RNF141: variants seen among roughly 807,000 people sequenced by gnomAD.
RNF141 encodes C3HC4-like zinc finger protein.
Under a neutral mutation model 27.4 loss-of-function variants are expected in RNF141, and 18 were observed. The ratio of observed to expected loss-of-function variants is 0.66; its 90% CI spans 0.45 to 0.97. The LOEUF (loss-of-function observed/expected upper bound fraction) is 0.97, where lower values mean the gene tolerates loss of function less well. RNF141 is among the 50% of genes least tolerant of loss of function. The pLI, the probability that RNF141 is intolerant of heterozygous loss-of-function variation, is 0.00. For synonymous variants in RNF141, 97 were observed against 96.6 expected (o/e 1.00, Z -0.02); for missense variants, 230 against 279.4 (o/e 0.82, Z 1.26).
chr11:10,526,316 G>T (rs1164656016), intron 3 of RNF141, among the ~76,000 whole-genome samples: 1 of 152,110 alleles, frequency 6.6e-6, no homozygotes, highest in African/African-American at 2.4e-5. Context: ...ATAAAATTGT[G>T]ACTTTAGGTT....
rs570174694 is a variant in RNF141 at position 10,537,264 on chromosome 11, C to G, written c.-47-3059G>C. Among the ~76,000 whole-genome samples, 13 of 152,252 alleles carry G rather than the reference C, an allele frequency of 8.5e-5. No individual in the cohort carries two copies. In the South Asian group the frequency reaches 1.5e-3, roughly 17 times the overall value. ...TTAGAAGTACATCTAATAAGTGTTA[C>G]AGGGATTTTTACCTGGGTGGGAAGT... On this transcript the variant is annotated intron_variant, in intron 1 of 5. Coordinates refer to ENST00000265981, the MANE Select transcript of RNF141 (RefSeq NM_016422.4).
intron 2 of RNF141, 44 bp from the exon 3 acceptor site, chr11:10,530,795 A>G (rs1348940350): frequency 8.5e-7 from 1 of 1,181,630 alleles, no homozygotes; most frequent in South Asian, 1.5e-5. Context: ...AAAATCATAT[A>G]TTAATAAAAT....
At chr11:10,525,090 A>AG (rs80348845) in intron 4 of RNF141, 102 bp downstream of exon 4, 24,861 of 896,994 alleles carry the variant, frequency 0.028, 503 homozygotes, top group Admixed American at 0.031. Context: ...AGAAAAAAAA[A>AG]AGATTTAAGA....
Position 10,519,273 on chromosome 11 carries a change from A to T in RNF141, c.435-132T>A, listed in dbSNP as rs868411323. ...AAGCACAATATGACTCATGTGCAAAATCAGACTAAAATTAATATTATCTTT... is the reference window on the plus strand; with the variant it reads ...AAGCACAATATGACTCATGTGCAAATTCAGACTAAAATTAATATTATCTTT... On this transcript the variant is annotated intron_variant, in intron 4 of 5. Coordinates refer to ENST00000265981, the MANE Select transcript of RNF141 (RefSeq NM_016422.4). The T allele has an allele frequency of 1.4e-5, 8 of 561,548 alleles. No homozygotes were observed. In the South Asian group the frequency reaches 2.2e-4, roughly 15 times the overall value. 34.8% of individuals were successfully genotyped at this position (561,548 alleles called of 1,614,324 possible).
chr11:10,524,126 A>G (rs114559264), intron 4 of RNF141, among the ~76,000 whole-genome samples: 1,556 of 152,316 alleles, frequency 0.01, 27 homozygotes, highest in African/African-American at 0.036. Context: ...AAAAAAAAGA[A>G]ACCACTGGCC....
At chr11:10,540,744 C>T (rs1176697496) in intron 1 of RNF141, 2 of 152,292 alleles carry the variant, frequency 1.3e-5, no homozygotes, top group African/African-American at 2.4e-5. Flanking sequence ...AGCCCCTCCT[C>T]AAGCGCACCT....
rs551769264 is a variant in RNF141, at chr11:10,513,585, T to C, written c.*1331A>G. Reference sequence around the variant, plus strand: ...AGAATATTTTAATGGAAAGAGTATTTCAATGGAAGTACAGTGAAACAGTAG... The same window carrying C: ...AGAATATTTTAATGGAAAGAGTATTCCAATGGAAGTACAGTGAAACAGTAG... On this transcript the variant is annotated 3_prime_UTR_variant, in exon 6 of 6. Transcript: ENST00000265981. The C allele has an allele frequency of 2.0e-5, 3 of 152,348 alleles. No individual in the cohort carries two copies. The highest frequency in any genetic ancestry group is 7.2e-5 in the African/African-American group (3 of 41,578). 9.4% of individuals were successfully genotyped at this position (152,348 alleles called of 1,614,324 possible). A position where few individuals can be genotyped will look rare whatever the true frequency, so the allele number is the denominator to read the frequency against.
intron 5 of RNF141, 152 bp downstream of exon 5, chr11:10,518,882 T>C (rs1332127971): frequency 2.0e-6 from 1 of 508,528 alleles, no homozygotes; most frequent in East Asian, 3.2e-5. Context: ...AAAATAGTTT[T>C]AACCAGTAGA....
At chr11:10,530,153 G>C (rs761846294) in intron 3 of RNF141, among the ~76,000 whole-genome samples, 2 of 152,148 alleles carry the variant, frequency 1.3e-5, no homozygotes, top group Non-Finnish European at 2.9e-5. Flanking sequence ...CTACTCAGTG[G>C]TGGTTGAGGC....
chr11:10,525,454 A>T (rs952479244), intron 3 of RNF141, 81 bp from the exon 4 acceptor site: 6 of 1,058,576 alleles, frequency 5.7e-6, no homozygotes, highest in African/African-American at 1.6e-5. Flanking sequence ...ACAAATATTT[A>T]GTCAAACATC....
At chr11:10,518,668 A>C (rs1849861547) in intron 5 of RNF141, 1 of 165,670 alleles carries the variant, frequency 6.0e-6, no homozygotes, top group Non-Finnish European at 1.3e-5. Flanking sequence ...GCTGATCTCT[A>C]AAGTTCCCTG....
Position 10,513,813 on chromosome 11 carries a change from A to AT in RNF141, c.*1102dup, listed in dbSNP as rs889071009. The AT allele has an allele frequency of 6.6e-6, 1 of 152,084 alleles. No homozygotes were observed. The highest frequency in any genetic ancestry group is 2.4e-5 in the African/African-American group (1 of 41,368). The allele number at this position is 152,084 out of a possible 1,614,324, so 9.4% of individuals were successfully genotyped here. On this transcript the variant is annotated 3_prime_UTR_variant, in exon 6 of 6. Coordinates refer to ENST00000265981, the MANE Select transcript of RNF141 (RefSeq NM_016422.4). ...TGCCTCAGCCTCCCGAGTAGCTGAG[A>AT]TTACAGGCACCTGCCACCATGCCCA...
rs1168828760 is a variant in RNF141, at chr11:10,513,076, C to A, written c.*1840G>T. Reference sequence around the variant, plus strand: ...AGAACACATAAACAAGAGTAAGAGACTTTCTCAAGGTCACACAACCACCAA... The same window carrying A: ...AGAACACATAAACAAGAGTAAGAGAATTTCTCAAGGTCACACAACCACCAA... On this transcript the variant is annotated 3_prime_UTR_variant, in exon 6 of 6. Coordinates refer to ENST00000265981, the MANE Select transcript of RNF141 (RefSeq NM_016422.4). 3 of 152,164 alleles carry A rather than the reference C, an allele frequency of 2.0e-5. No individual in the cohort carries two copies. The highest frequency in any genetic ancestry group is 4.4e-5 in the Non-Finnish European group (3 of 68,026). 9.4% of individuals were successfully genotyped at this position (152,164 alleles called of 1,614,324 possible).
intron 5 of RNF141, chr11:10,515,357 A>G (rs772963247): frequency 2.0e-5 from 6 of 297,786 alleles, no homozygotes; most frequent in Non-Finnish European, 3.7e-5. Context: ...TATATCTTAC[A>G]GACTAGTATG....
chr11:10,539,701 A>ATAGATATATATATATATATAT (rs10524171), intron 1 of RNF141, among the ~76,000 whole-genome samples: 1 of 31,476 alleles, frequency 3.2e-5, no homozygotes, highest in Non-Finnish European at 7.2e-5. Context: ...CATATATATT[A>ATAGATATATATATATATATAT]GAGAGAGAAG....
At position 10,514,985 on chromosome 11, in the gene RNF141, G is replaced by A. The variant is rs1849832070; in HGVS notation, c.624C>T (p.Pro208=). The A allele has an allele frequency of 6.2e-7, 1 of 1,613,742 alleles. No homozygotes were observed. The highest frequency in any genetic ancestry group is 1.3e-5 in the African/African-American group (1 of 74,896). Residue 208 remains proline (P), a synonymous_variant, in exon 6 of 6, where the codon CCC becomes CCT. Coordinates refer to ENST00000265981, the MANE Select transcript of RNF141 (RefSeq NM_016422.4). The part of the protein sequence containing the change: ...ANESWVVSDA[P]TEDDMANYIL... ...TATAGTTAGCCATATCATCTTCAGTGGGTGCATCTGATACCACCCAAGATT... is the reference window on the plus strand; with the variant it reads ...TATAGTTAGCCATATCATCTTCAGTAGGTGCATCTGATACCACCCAAGATT...
chr11:10,535,064 C>A (rs1757661997), intron 1 of RNF141, among the ~76,000 whole-genome samples: 1 of 146,818 alleles, frequency 6.8e-6, no homozygotes, highest in South Asian at 2.2e-4. Flanking sequence ...AGATGCCCCC[C>A]CAAGAAATTC....
At chr11:10,523,664 A>C (rs955548721) in intron 4 of RNF141, among the ~76,000 whole-genome samples, 1 of 152,250 alleles carries the variant, frequency 6.6e-6, no homozygotes, top group African/African-American at 2.4e-5. Context: ...TAACAAGCTA[A>C]TCAGGAACTG....
In RNF141 at chr11:10,530,659, C is replaced by T. The variant is rs1297216761; in HGVS notation, c.236G>A (p.Arg79Gln). The T allele has an allele frequency of 1.9e-6, 3 of 1,605,946 alleles. No individual in the cohort carries two copies. The highest frequency in any genetic ancestry group is 1.7e-5 in the Admixed American group (1 of 59,532). ...CAGTCTCACCTTGGTACAGACCACCCGTACAACCACTTTCCAAAAAGCAGA... is the reference window on the plus strand; with the variant it reads ...CAGTCTCACCTTGGTACAGACCACCTGTACAACCACTTTCCAAAAAGCAGA... The part of the protein sequence containing the change: ...DSSAFWKVVV[R>Q]VVCTKINKSS... Residue 79 changes from arginine (R) to glutamine (Q), a missense_variant, in exon 3 of 6, where the codon CGG becomes CAG. By Grantham distance (43) the Arg-to-Gln change is conservative. Coordinates refer to ENST00000265981, the MANE Select transcript of RNF141 (RefSeq NM_016422.4).
Sources: allele counts gnomAD v4.1 joint callset (sites outside exome capture counted in the v4.1 genomes callset), GRCh38; gene constraint gnomAD v4.1.1; transcripts MANE v1.5; gene names NCBI Gene and HGNC (gene_info 2026-07-23, HGNC 2026-07-21).